The following GRIK4 variants were observed in gnomAD, a reference collection of about 807,000 sequenced individuals.
GRIK4 encodes the protein glutamate ionotropic receptor kainate type subunit 4, also known as glutamate receptor ionotropic, kainate 4.
GRIK4 carries 40 observed loss-of-function variants against 104.9 expected under a neutral mutation model. That is an observed-to-expected ratio of 0.38 (90% confidence interval 0.30 to 0.50). The LOEUF (loss-of-function observed/expected upper bound fraction) is 0.50, where lower values mean the gene tolerates loss of function less well. GRIK4 is among the 20% of genes least tolerant of loss of function. The probability of loss-of-function intolerance (pLI) is 0.93; values close to 1 mark genes in which losing one functional copy is unlikely to be tolerated. For synonymous variants in GRIK4, 485 were observed against 524.9 expected (o/e 0.92, Z 1.04); for missense variants, 1,047 against 1,308.1 (o/e 0.80, Z 3.08).
At chr11:120,772,487 C>T (rs1200763995) in intron 3 of GRIK4, among the ~76,000 whole-genome samples, 1 of 152,100 alleles carries the variant, frequency 6.6e-6, no homozygotes, top group African/African-American at 2.4e-5. Context: ...TGTATATTCC[C>T]CATCCTCTGT....
intron 4 of GRIK4, among the ~76,000 whole-genome samples, chr11:120,811,132 G>A (rs570888657): frequency 3.3e-5 from 5 of 152,278 alleles, no homozygotes; most frequent in Non-Finnish European, 2.9e-5. Context: ...GGCATGCAGC[G>A]GGAGATGGCA....
At chr11:120,944,671 A>G (rs996739278) in intron 14 of GRIK4, among the ~76,000 whole-genome samples, 1 of 152,222 alleles carries the variant, frequency 6.6e-6, no homozygotes, top group Non-Finnish European at 1.5e-5. Flanking sequence ...CTTTAGGGCA[A>G]GGCATTTCTT....
At chr11:120,784,802 C>T (rs1394344305) in intron 3 of GRIK4, among the ~76,000 whole-genome samples, 1 of 152,046 alleles carries the variant, frequency 6.6e-6, no homozygotes, top group Non-Finnish European at 1.5e-5. Flanking sequence ...CTCCCCTGCC[C>T]CACCACCATC....
In GRIK4 at chr11:120,950,390, A is replaced by T. The variant is rs116165488; in HGVS notation, c.1591-2465A>T. Among the ~76,000 whole-genome samples, 579 of 152,346 alleles carry T rather than the reference A, an allele frequency of 3.8e-3. 2 individuals are homozygous for T. Among genetic ancestry groups the T allele is most frequent in the African/African-American group, 0.013 (549 of 41,582 alleles). ...CATTCCTTATCACCCATAACCAAAT[A>T]TGGCAGCTTTAAATAGTGCTGTCAT... On this transcript the variant is annotated intron_variant, in intron 14 of 20. Coordinates refer to ENST00000527524, the MANE Select transcript of GRIK4 (RefSeq NM_014619.5).
intron 13 of GRIK4, among the ~76,000 whole-genome samples, chr11:120,938,934 C>T (rs145078823): frequency 2.0e-5 from 3 of 152,322 alleles, no homozygotes; most frequent in East Asian, 1.9e-4. Context: ...ATTGACCCAG[C>T]AGGTGATTCT....
chr11:120,690,463 G>C (rs1950340543), intron 3 of GRIK4, among the ~76,000 whole-genome samples: 1 of 152,240 alleles, frequency 6.6e-6, no homozygotes, highest in South Asian at 2.1e-4. Flanking sequence ...GCTCTCACCA[G>C]CTGAGCCCCC....
At chr11:120,720,644 A>G (rs1950915723) in intron 3 of GRIK4, among the ~76,000 whole-genome samples, 1 of 152,168 alleles carries the variant, frequency 6.6e-6, no homozygotes, top group African/African-American at 2.4e-5. Flanking sequence ...TGGGAGGGGA[A>G]GAAGGTGCTG....
intron 13 of GRIK4, among the ~76,000 whole-genome samples, chr11:120,938,861 C>T (rs957014593): frequency 3.3e-5 from 5 of 152,214 alleles, no homozygotes; most frequent in Admixed American, 3.3e-4. Flanking sequence ...TAGATTCCTG[C>T]GTCCTACCAC....
At chr11:120,895,560 C>A (rs979098168) in intron 11 of GRIK4, among the ~76,000 whole-genome samples, 1 of 152,154 alleles carries the variant, frequency 6.6e-6, no homozygotes, top group African/African-American at 2.4e-5. Context: ...AGCCATTCCC[C>A]GGTTAGCCTG....
At chr11:120,730,391 T>C (rs960034982) in intron 3 of GRIK4, among the ~76,000 whole-genome samples, 1 of 152,084 alleles carries the variant, frequency 6.6e-6, no homozygotes. Context: ...TCACTGTAGA[T>C]GTATGGATTT....
chr11:120,918,832 A>T (rs528272327), intron 13 of GRIK4, among the ~76,000 whole-genome samples: 23 of 152,378 alleles, frequency 1.5e-4, no homozygotes, highest in African/African-American at 5.3e-4. Flanking sequence ...AAGGCTTCAG[A>T]GCAGAGCTAA....
chr11:120,679,294 G>A (rs1226834001), intron 3 of GRIK4, among the ~76,000 whole-genome samples: 2 of 152,108 alleles, frequency 1.3e-5, no homozygotes, highest in South Asian at 2.1e-4. Flanking sequence ...CCTGCCCTCC[G>A]TCAGAGTCAG....
chr11:120,975,793 G>A (rs1008576143), intron 19 of GRIK4, among the ~76,000 whole-genome samples: 1 of 152,132 alleles, frequency 6.6e-6, no homozygotes, highest in Non-Finnish European at 1.5e-5. Flanking sequence ...TGGGAGAGAT[G>A]GTGTGGAGTA....
intron 14 of GRIK4, among the ~76,000 whole-genome samples, chr11:120,945,825 G>C (rs1267216501): frequency 2.0e-5 from 3 of 152,166 alleles, no homozygotes; most frequent in Non-Finnish European, 2.9e-5. Context: ...ACACAACATA[G>C]CATCCACCTG....
chr11:120,830,851 G>A (rs1022669978), intron 6 of GRIK4, among the ~76,000 whole-genome samples: 1 of 151,906 alleles, frequency 6.6e-6, no homozygotes, highest in Non-Finnish European at 1.5e-5. Flanking sequence ...TCTGCCTCCT[G>A]CACCCCCACA....
chr11:120,919,340 G>A (rs1215056674), intron 13 of GRIK4, among the ~76,000 whole-genome samples: 1 of 152,142 alleles, frequency 6.6e-6, no homozygotes, highest in East Asian at 1.9e-4. Flanking sequence ...GAAGGAGCTG[G>A]GACTCCATTT....
chr11:120,514,659 C>T (rs1239192527), intron 1 of GRIK4, among the ~76,000 whole-genome samples: 3 of 152,116 alleles, frequency 2.0e-5, no homozygotes, highest in Middle Eastern at 3.2e-3. Flanking sequence ...GGGTGTCCCG[C>T]CACTCCCTAG....
chr11:120,963,096 C>G (rs760402154), intron 18 of GRIK4: 2 of 157,760 alleles, frequency 1.3e-5, no homozygotes, highest in Non-Finnish European at 2.8e-5. Flanking sequence ...AAATTTGAAT[C>G]AGTTAATTTT....
At chr11:120,836,011 G>A (rs1953567016) in intron 7 of GRIK4, among the ~76,000 whole-genome samples, 1 of 152,198 alleles carries the variant, frequency 6.6e-6, no homozygotes. Flanking sequence ...TGAGTCACTT[G>A]TTTCCGACGT....
Sources: gnomAD v4.1 joint callset for allele counts (sites outside exome capture counted in the v4.1 genomes callset) on GRCh38, gnomAD v4.1.1 for gene constraint, MANE v1.5 for transcripts, NCBI Gene and HGNC (gene_info 2026-07-23, HGNC 2026-07-21) for gene names.